The following IQANK1 variants were observed in gnomAD, a reference collection of about 807,000 sequenced individuals.
IQANK1 encodes IQ motif and ankyrin repeat domain-containing protein 1.
IQANK1 carries 30 observed loss-of-function variants against 22.6 expected under a neutral mutation model. The observed-to-expected ratio is 1.33, with a 90% CI of 0.99 to 1.80. The LOEUF is 1.80. IQANK1 is among the 40% of genes most tolerant of loss of function. IQANK1 has a pLI of 0.00. For synonymous variants in IQANK1, 122 were observed against 99.6 expected (o/e 1.23, Z -1.34); for missense variants, 275 against 235.2 (o/e 1.17, Z -1.11).
At position 143,739,937 on chromosome 8, in the gene IQANK1, A is replaced by C; in HGVS notation, c.164A>C (p.Gln55Pro). ...AREPASAESP[Q>P]APTGPAEDRA... Reference sequence around the variant, plus strand: ...GAGCCCGCGTCGGCTGAGAGCCCACAGGCCCCCACAGGTGAGAGCCCGCAC... The same window carrying C: ...GAGCCCGCGTCGGCTGAGAGCCCACCGGCCCCCACAGGTGAGAGCCCGCAC... Residue 55 changes from glutamine (Q) to proline (P), a missense_variant, in exon 3 of 14, where the codon CAG becomes CCG. By Grantham distance (76) the Gln-to-Pro change is moderately conservative. Coordinates refer to ENST00000527139, the MANE Select transcript of IQANK1 (RefSeq NM_001381874.1). 7.2e-6 allele frequency: 5 copies of C among 697,810 alleles called. No homozygotes were observed. The highest frequency in any genetic ancestry group is 1.3e-5 in the Non-Finnish European group (5 of 382,804). The allele number at this position is 697,810 out of a possible 1,614,324, so 43.2% of individuals were successfully genotyped here.
intron 3 of IQANK1, among the ~76,000 whole-genome samples, chr8:143,767,960 T>A (rs1819507975): frequency 7.6e-6 from 1 of 131,248 alleles, no homozygotes; most frequent in South Asian, 3.0e-4. Context: ...CTTGGCTCAC[T>A]GCAAGCTCCT....
At position 143,777,261 on chromosome 8, in the gene IQANK1, A is replaced by G. The variant is rs548736886; in HGVS notation, c.789+4779A>G. On this transcript the variant is annotated intron_variant, in intron 7 of 13. Transcript: ENST00000527139. ...CTGGCCACAGTGGCTTACACCTGTA[A>G]TCCCAGCACTTTGGGAAGCTGAGGT... Among the ~76,000 whole-genome samples, 5 of 152,264 alleles carry G rather than the reference A, an allele frequency of 3.3e-5. No individual in the cohort carries two copies. In the East Asian group the frequency reaches 9.6e-4, roughly 29 times the overall value.
chr8:143,752,316 T>C (rs1819212441), intron 3 of IQANK1, among the ~76,000 whole-genome samples: 1 of 152,178 alleles, frequency 6.6e-6, no homozygotes, highest in African/African-American at 2.4e-5. Context: ...GGCCTCCAAG[T>C]TTCTGATGAA....
intron 3 of IQANK1, among the ~76,000 whole-genome samples, chr8:143,762,052 T>A (rs1819406279): frequency 6.6e-6 from 1 of 152,200 alleles, no homozygotes. Flanking sequence ...GGTATTTGTA[T>A]CCCATTCGTA....
At chr8:143,748,884 A>ATATCATATATAAATATATAAATATATATT (rs1819109012) in intron 3 of IQANK1, among the ~76,000 whole-genome samples, 1 of 80,480 alleles carries the variant, frequency 1.2e-5, no homozygotes, top group Non-Finnish European at 1.8e-5. Flanking sequence ...AAATATATAT[A>ATATCATATATAAATATATAAATATATATT]TCATAAATAC....
intron 7 of IQANK1, among the ~76,000 whole-genome samples, chr8:143,784,156 G>A (rs1819844620): frequency 6.6e-6 from 1 of 152,072 alleles, no homozygotes; most frequent in South Asian, 2.1e-4. Context: ...GATAGACTAG[G>A]ATGTTGCTAT....
At chr8:143,740,072 G>A (rs1818862377) in intron 3 of IQANK1, 124 bp downstream of exon 3, 1 of 539,336 alleles carries the variant, frequency 1.9e-6, no homozygotes, top group Non-Finnish European at 3.3e-6. Context: ...ATGTGCTTGT[G>A]CGCGCACGTG....
intron 7 of IQANK1, among the ~76,000 whole-genome samples, chr8:143,784,613 A>G (rs57333510): frequency 0.031 from 4,758 of 152,294 alleles, 235 homozygotes; most frequent in African/African-American, 0.1. Flanking sequence ...TACTTATGCT[A>G]CATGTCCATT....
chr8:143,744,932 G>A (rs368588375), intron 3 of IQANK1: 5 of 152,274 alleles, frequency 3.3e-5, no homozygotes, highest in African/African-American at 1.2e-4. Context: ...AAACAGAGGG[G>A]TGTGGTGATC....
chr8:143,757,584 G>A (rs1554628572), intron 3 of IQANK1, among the ~76,000 whole-genome samples: 2 of 152,124 alleles, frequency 1.3e-5, no homozygotes, highest in East Asian at 1.9e-4. Flanking sequence ...TGATCCGCCT[G>A]CCTTGGCCTC....
rs1554626981 is a variant in IQANK1 at position 143,743,992 on chromosome 8, C to A, written c.175+4044C>A. ...GGGACTACAGGCACCCACCACCACA[C>A]CCAGCTAGTTTTTGTGTTTTTAGTA... On this transcript the variant is annotated intron_variant, in intron 3 of 13. Transcript: ENST00000527139. 9.2e-6 allele frequency: 3 copies of A among 324,966 alleles called. No homozygotes were observed. In the Admixed American group the frequency reaches 1.3e-4, roughly 14 times the overall value. The allele number at this position is 324,966 out of a possible 1,614,324, so 20.1% of individuals were successfully genotyped here.
intron 3 of IQANK1, among the ~76,000 whole-genome samples, chr8:143,770,595 C>G (rs899647959): frequency 6.6e-6 from 1 of 152,220 alleles, no homozygotes; most frequent in Non-Finnish European, 1.5e-5. Context: ...AATCATAGTA[C>G]TTGGCTCCCC....
At chr8:143,767,372 G>T (rs1263121102) in intron 3 of IQANK1, among the ~76,000 whole-genome samples, 3 of 152,178 alleles carry the variant, frequency 2.0e-5, no homozygotes, top group African/African-American at 4.8e-5. Flanking sequence ...TTGCTCATGT[G>T]TATAGAGATC....
At chr8:143,753,929 G>GT (rs372997610) in intron 3 of IQANK1, among the ~76,000 whole-genome samples, 102 of 150,820 alleles carry the variant, frequency 6.8e-4, no homozygotes, top group South Asian at 1.9e-3. Context: ...GGTTTTGTTT[G>GT]TTTTTTTTTC....
chr8:143,777,749 G>C (rs926679806), intron 7 of IQANK1, among the ~76,000 whole-genome samples: 1 of 151,934 alleles, frequency 6.6e-6, no homozygotes, highest in Non-Finnish European at 1.5e-5. Flanking sequence ...AGATAAAATG[G>C]AATTCTTAAA....
intron 7 of IQANK1, 111 bp from the exon 8 acceptor site, chr8:143,788,804 C>T (rs937706996): frequency 7.5e-6 from 3 of 397,942 alleles, no homozygotes; most frequent in East Asian, 3.6e-5. Flanking sequence ...CACTGAGGCC[C>T]TTTCTGCATA....
At chr8:143,753,005 T>TG (rs1819223722) in intron 3 of IQANK1, among the ~76,000 whole-genome samples, 1 of 136,522 alleles carries the variant, frequency 7.3e-6, no homozygotes, top group Non-Finnish European at 1.6e-5. Context: ...CGTTTTTTTT[T>TG]TTTTTTTTTT....
chr8:143,735,871 G>T lies in IQANK1; in HGVS notation c.18G>T (p.Gly6=), dbSNP rs1554625593. 1.4e-6 allele frequency: 1 copy of T among 702,612 alleles called. No individual in the cohort carries two copies. The highest frequency in any genetic ancestry group is 2.7e-5 in the East Asian group (1 of 37,268). 43.5% of individuals were successfully genotyped at this position (702,612 alleles called of 1,614,324 possible). Residue 6 remains glycine, a synonymous_variant, in exon 2 of 14, where the codon GGG becomes GGT. Coordinates refer to ENST00000527139, the MANE Select transcript of IQANK1 (RefSeq NM_001381874.1). The surrounding 1 kb of genome is among the most constrained non-coding windows in gnomAD (Gnocchi z 5.2). MDSKK[G]RPKAAAGKWQ... ...CCAGGAGAATGGACAGTAAGAAGGG[G>T]AGACCCAAAGCTGCAGCTGGGAAGT...
chr8:143,749,158 GTA>G lies in IQANK1; in HGVS notation c.175+9216_175+9217del, dbSNP rs1390713562. 3.5e-5 allele frequency among the ~76,000 whole-genome samples: 4 copies of G among 114,292 alleles called. No individual in the cohort carries two copies. In the East Asian group the frequency reaches 7.4e-4, roughly 21 times the overall value. 75.0% of individuals were successfully genotyped at this position (114,292 alleles called of 152,430 possible). ...GATATATATCATACATGATATAAATGTATATATCAATATATATAATATATAAA... is the reference window on the plus strand; with the variant it reads ...GATATATATCATACATGATATAAATGTATATCAATATATATAATATATAAA... On this transcript the variant is annotated intron_variant, in intron 3 of 13. Transcript: ENST00000527139.
Sources: allele counts gnomAD v4.1 joint callset (sites outside exome capture counted in the v4.1 genomes callset), GRCh38; gene constraint gnomAD v4.1.1; non-coding constraint Gnocchi (gnomAD v3.1); transcripts MANE v1.5; gene names NCBI Gene and HGNC (gene_info 2026-07-23, HGNC 2026-07-21).